The following BDH1 variants were observed in gnomAD, a reference collection of about 807,000 sequenced individuals.
The protein encoded by BDH1 is D-beta-hydroxybutyrate dehydrogenase, mitochondrial.
Under a neutral mutation model 33.1 loss-of-function variants are expected in BDH1, and 30 were observed. The ratio of observed to expected loss-of-function variants is 0.91; its 90% CI spans 0.68 to 1.23. The LOEUF (loss-of-function observed/expected upper bound fraction) is 1.23, where lower values mean the gene tolerates loss of function less well. BDH1 is among the 50% of genes most tolerant of loss of function. BDH1 has a pLI of 0.00. For synonymous variants in BDH1, 190 were observed against 183.6 expected (o/e 1.03, Z -0.28); for missense variants, 443 against 464.4 (o/e 0.95, Z 0.42).
At chr3:197,550,683 G>A (rs777577984) in intron 2 of BDH1, among the ~76,000 whole-genome samples, 4 of 152,236 alleles carry the variant, frequency 2.6e-5, no homozygotes, top group South Asian at 4.1e-4. Flanking sequence ...ACAGAGAGAG[G>A]GAGAAAGCCG....
Position 197,523,645 on chromosome 3 carries a change from A to G in BDH1, c.268-864T>C, listed in dbSNP as rs1438950499. The stretch of plus-strand genomic sequence containing the variant: ...TAGGAACTGGAGGTCAAGATCAATC[A>G]TTCAGCCCCTGTTCCCAGAGTCGTG... On this transcript the variant is annotated intron_variant, in intron 5 of 7. Coordinates refer to ENST00000392379, the MANE Select transcript of BDH1 (RefSeq NM_203314.3). This position sits in a 1 kb window ranked among gnomAD's most constrained non-coding sequence, Gnocchi z 4.5. 6.6e-6 allele frequency among the ~76,000 whole-genome samples: 1 copy of G among 152,202 alleles called. No individual in the cohort carries two copies. Among genetic ancestry groups the G allele is most frequent in the African/African-American group, 2.4e-5 (1 of 41,450 alleles).
At chr3:197,556,944 G>A (rs569609172), upstream of BDH1, among the ~76,000 whole-genome samples, 23 of 152,302 alleles carry the variant, frequency 1.5e-4, no homozygotes, top group African/African-American at 5.3e-4. Context: ...AGGCTAAAGG[G>A]GAAAGTCAAG....
intron 2 of BDH1, among the ~76,000 whole-genome samples, chr3:197,547,728 T>A (rs1351576072): frequency 1.3e-5 from 2 of 152,194 alleles, no homozygotes; most frequent in African/African-American, 2.4e-5. Flanking sequence ...GGCCTCTCCC[T>A]CCCTGGAGGC....
chr3:197,553,546 A>AAAC (rs1560340735), intron 2 of BDH1, among the ~76,000 whole-genome samples: 1 of 138,238 alleles, frequency 7.2e-6, no homozygotes, highest in East Asian at 2.0e-4. Context: ...AAAAAAAAAA[A>AAAC]GAAGAGTTTT....
intron 3 of BDH1, chr3:197,533,926 G>A (rs2108744225): frequency 4.0e-6 from 1 of 248,442 alleles, no homozygotes; most frequent in Middle Eastern, 1.2e-3. Flanking sequence ...ATTCAAGTGT[G>A]AACTATCCTT....
intron 3 of BDH1, among the ~76,000 whole-genome samples, chr3:197,540,479 G>T (rs936686483): frequency 2.0e-5 from 3 of 149,882 alleles, no homozygotes; most frequent in Non-Finnish European, 1.5e-5. Flanking sequence ...GACCAGCCTG[G>T]CCAACATGGT....
At chr3:197,546,515 C>T (rs1560334732) in intron 2 of BDH1, 29 bp from the exon 3 acceptor site, 5 of 1,460,430 alleles carry the variant, frequency 3.4e-6, no homozygotes, top group Admixed American at 1.7e-5. Flanking sequence ...CTCAGCATTA[C>T]TTTGTTGCCT....
Position 197,514,452 on chromosome 3 carries a change from T to C in BDH1, c.410-36A>G, listed in dbSNP as rs541513338. 6 of 1,548,374 alleles carry C rather than the reference T, an allele frequency of 3.9e-6. No individual in the cohort carries two copies. In the African/African-American group the frequency reaches 4.1e-5, roughly 11 times the overall value. On this transcript the variant is annotated intron_variant, in intron 6 of 7. Transcript: ENST00000392379. This position sits in a 1 kb window ranked among gnomAD's most constrained non-coding sequence, Gnocchi z 4.2. ...GAGGGATAGATGTGCATTTACCACA[T>C]GGGCTTGGCCCAGACATTGCCCATC...
chr3:197,515,184 T>A (rs1423345338), intron 6 of BDH1, among the ~76,000 whole-genome samples: 1 of 152,242 alleles, frequency 6.6e-6, no homozygotes, highest in South Asian at 2.1e-4. Context: ...TTTCCTTCCG[T>A]GTTACCCAAA....
rs1579867314 is a variant in BDH1 at position 197,516,984 on chromosome 3, G to A, written c.410-2568C>T. The stretch of plus-strand genomic sequence containing the variant: ...TCAATGTCACCCAGCTAACAGGCAG[G>A]GAGGGTGGGATTTGGACCCAGATCT... On this transcript the variant is annotated intron_variant, in intron 6 of 7. Transcript: ENST00000392379. This position sits in a 1 kb window ranked among gnomAD's most constrained non-coding sequence, Gnocchi z 4.2. Among the ~76,000 whole-genome samples the A allele has an allele frequency of 6.6e-6, 1 of 152,214 alleles. No homozygotes were observed. The highest frequency in any genetic ancestry group is 1.9e-4 in the East Asian group (1 of 5,182).
rs901995865 is a variant in BDH1, at chr3:197,522,096, C to T, written c.409+544G>A. Among the ~76,000 whole-genome samples the T allele has an allele frequency of 6.6e-6, 1 of 152,194 alleles. No individual in the cohort carries two copies. The highest frequency in any genetic ancestry group is 2.4e-5 in the African/African-American group (1 of 41,444). On this transcript the variant is annotated intron_variant, in intron 6 of 7. Transcript: ENST00000392379. The surrounding 1 kb of genome is among the most constrained non-coding windows in gnomAD (Gnocchi z 4.8). ...GACCAACAGCCCCCGCTACCCTCCC[C>T]GTGCTCCTCGAAGCTGTGGTTCCTG...
At chr3:197,548,962 A>G (rs76422580) in intron 2 of BDH1, among the ~76,000 whole-genome samples, 1,608 of 152,298 alleles carry the variant, frequency 0.011, 13 homozygotes, top group East Asian at 0.033. Flanking sequence ...ACATGCAGCT[A>G]TTTCCACTGC....
chr3:197,513,416 C>A (rs1479733420), intron 7 of BDH1, among the ~76,000 whole-genome samples: 1 of 146,974 alleles, frequency 6.8e-6, no homozygotes, highest in Non-Finnish European at 1.5e-5. Flanking sequence ...CCAGGTGTGC[C>A]CCCGGGAGGG....
In BDH1 at chr3:197,532,499, G is replaced by A. The variant is rs1255696700; in HGVS notation, c.180C>T (p.Val60=). Residue 60 remains valine (V), a synonymous_variant, in exon 5 of 8, where the codon GTC becomes GTT. Transcript: ENST00000392379. The part of the protein sequence containing the change: ...AEPVGSKAVL[V]TGCDSGFGFS... ...ACCCAAATCCAGAGTCACAGCCTGT[G>A]ACCAGGACAGCTTTGCTGCCAACCT... 1 of 1,614,144 alleles carries A rather than the reference G, an allele frequency of 6.2e-7. No homozygotes were observed.
At chr3:197,563,129 T>C (rs1220059568) in intron 1 of BDH1, among the ~76,000 whole-genome samples, 3 of 152,226 alleles carry the variant, frequency 2.0e-5, no homozygotes, top group Non-Finnish European at 4.4e-5. Flanking sequence ...TGTGTGTATG[T>C]GTGTATGTAC....
chr3:197,548,054 C>T (rs760371791), intron 2 of BDH1, among the ~76,000 whole-genome samples: 9 of 152,216 alleles, frequency 5.9e-5, no homozygotes, highest in Non-Finnish European at 1.0e-4. Flanking sequence ...ATCCTCAGTG[C>T]CTAGAACGAG....
At chr3:197,548,278 G>A (rs1716258180) in intron 2 of BDH1, among the ~76,000 whole-genome samples, 1 of 148,070 alleles carries the variant, frequency 6.8e-6, no homozygotes, top group African/African-American at 2.5e-5. Flanking sequence ...TTTTCATGAG[G>A]CACCCCCTCC....
intron 1 of BDH1, among the ~76,000 whole-genome samples, chr3:197,569,736 C>T (rs572032731): frequency 2.6e-4 from 39 of 152,304 alleles, no homozygotes; most frequent in African/African-American, 9.1e-4. Flanking sequence ...ATTGTGAGGC[C>T]TCCCCAGCCA....
intron 6 of BDH1, among the ~76,000 whole-genome samples, chr3:197,519,871 C>G (rs958089938): frequency 6.6e-6 from 1 of 152,088 alleles, no homozygotes; most frequent in African/African-American, 2.4e-5. Flanking sequence ...CTCTGTGGCT[C>G]TCACCAGACA....
Sources: allele counts gnomAD v4.1 joint callset (sites outside exome capture counted in the v4.1 genomes callset), GRCh38; gene constraint gnomAD v4.1.1; non-coding constraint Gnocchi (gnomAD v3.1); transcripts MANE v1.5; gene names NCBI Gene and HGNC (gene_info 2026-07-23, HGNC 2026-07-21).